Variants in PTPRD observed in about 807,000 individuals in gnomAD.
PTPRD encodes the protein receptor-type tyrosine-protein phosphatase delta.
Under a neutral mutation model 214.5 loss-of-function variants are expected in PTPRD, and 34 were observed. The observed-to-expected ratio is 0.16, with a 90% CI of 0.12 to 0.21. PTPRD has a LOEUF of 0.21. Ranked by LOEUF, PTPRD falls within the 10% of genes least tolerant of loss-of-function variation. The pLI is 1.00. For synonymous variants in PTPRD, 1,128 were observed against 845.7 expected (o/e 1.33, Z -5.79); for missense variants, 2,545 against 2,398.7 (o/e 1.06, Z -1.27).
intron 11 of PTPRD, among the ~76,000 whole-genome samples, chr9:8,983,229 T>A (rs1471820389): frequency 6.6e-6 from 1 of 152,032 alleles, no homozygotes; most frequent in Non-Finnish European, 1.5e-5. Flanking sequence ...TCAACCTTCT[T>A]TATATCATGA....
At chr9:9,747,801 C>T (rs1328719486) in intron 6 of PTPRD, among the ~76,000 whole-genome samples, 2 of 152,118 alleles carry the variant, frequency 1.3e-5, no homozygotes, top group African/African-American at 2.4e-5. Flanking sequence ...GATCTACCTG[C>T]CTCGGCCTCC....
intron 2 of PTPRD, among the ~76,000 whole-genome samples, chr9:10,527,517 C>T (rs967867597): frequency 2.0e-5 from 3 of 152,106 alleles, no homozygotes; most frequent in African/African-American, 4.8e-5. Flanking sequence ...CCATAAATGG[C>T]TTGTACATTG....
intron 2 of PTPRD, among the ~76,000 whole-genome samples, chr9:10,417,178 G>A (rs2098499291): frequency 2.6e-5 from 4 of 151,828 alleles, no homozygotes; most frequent in African/African-American, 9.7e-5. Context: ...CTCCTAGGAA[G>A]GGATGATATT....
chr9:8,371,405 G>T (rs4742488), intron 39 of PTPRD, among the ~76,000 whole-genome samples: 47,545 of 151,860 alleles, frequency 0.31, 10,009 homozygotes, highest in African/African-American at 0.56. Flanking sequence ...CATAAGCCAT[G>T]ACTCATGCCT....
chr9:8,326,464 CG>C (rs1229702892), intron 44 of PTPRD, among the ~76,000 whole-genome samples: 1 of 151,300 alleles, frequency 6.6e-6, no homozygotes, highest in African/African-American at 2.4e-5. Flanking sequence ...CTGCTGGATT[CG>C]GTTTGCCAGT....
At chr9:8,327,898 C>G (rs2131325477) in intron 44 of PTPRD, among the ~76,000 whole-genome samples, 1 of 152,208 alleles carries the variant, frequency 6.6e-6, no homozygotes, top group East Asian at 1.9e-4. Context: ...TATTTTGAGC[C>G]TATGTGTGTC....
intron 8 of PTPRD, among the ~76,000 whole-genome samples, chr9:9,559,511 G>C (rs1246813524): frequency 6.6e-6 from 1 of 152,246 alleles, no homozygotes; most frequent in Non-Finnish European, 1.5e-5. Context: ...TGTAGGGCTT[G>C]TGCCTACTGA....
At chr9:10,531,918 A>G (rs1376663722) in intron 2 of PTPRD, among the ~76,000 whole-genome samples, 2 of 152,244 alleles carry the variant, frequency 1.3e-5, no homozygotes, top group East Asian at 1.9e-4. Flanking sequence ...GAGAACTCCA[A>G]CAGACCCTGC....
intron 27 of PTPRD, among the ~76,000 whole-genome samples, chr9:8,488,542 G>T (rs2097084201): frequency 6.6e-6 from 1 of 152,176 alleles, no homozygotes; most frequent in Non-Finnish European, 1.5e-5. Context: ...TACTCATTGT[G>T]TTCCTCAGGA....
intron 5 of PTPRD, among the ~76,000 whole-genome samples, chr9:9,900,656 G>GTTTTTTTTTTTTTT (rs2076192182): frequency 1.3e-5 from 1 of 76,798 alleles, no homozygotes; most frequent in African/African-American, 9.8e-5. Flanking sequence ...TTTTTTTTTT[G>GTTTTTTTTTTTTTT]AGATGGAGTC....
At chr9:8,844,305 T>C (rs1357388863) in intron 11 of PTPRD, among the ~76,000 whole-genome samples, 1 of 152,190 alleles carries the variant, frequency 6.6e-6, no homozygotes, top group Non-Finnish European at 1.5e-5. Context: ...CCATGGTGTG[T>C]CTTTCCTTCT....
chr9:9,812,482 A>G (rs543409220), intron 5 of PTPRD, among the ~76,000 whole-genome samples: 1 of 152,332 alleles, frequency 6.6e-6, no homozygotes, highest in African/African-American at 2.4e-5. Flanking sequence ...AGGGACAGAA[A>G]AAGATATTCC....
chr9:10,354,140 C>T (rs1377154618), intron 2 of PTPRD, among the ~76,000 whole-genome samples: 3 of 152,052 alleles, frequency 2.0e-5, no homozygotes, highest in South Asian at 2.1e-4. Context: ...AATTTTCATG[C>T]TCTTCCTACA....
At chr9:8,512,092 A>G (rs1193837137) in intron 21 of PTPRD, among the ~76,000 whole-genome samples, 2 of 152,112 alleles carry the variant, frequency 1.3e-5, no homozygotes, top group Middle Eastern at 3.2e-3. Context: ...ATGACCAAAG[A>G]TACTAGAAAA....
intron 9 of PTPRD, among the ~76,000 whole-genome samples, chr9:9,187,643 A>C (rs2099932458): frequency 6.6e-6 from 1 of 151,760 alleles, no homozygotes. Context: ...GTCATCCCTT[A>C]TAGGTTTCTT....
chr9:8,468,817 A>AC lies in PTPRD; in HGVS notation c.3504+2177dup, dbSNP rs1555070364. On this transcript the variant is annotated intron_variant, in intron 31 of 45. Transcript: ENST00000381196. ...ATGGTAGAAAAAAAAAAAAAAAAAA[A>AC]CTCTCTGTAGGGATCAAAAACTGGA... is the stretch of plus-strand genomic sequence containing the variant. Among the ~76,000 whole-genome samples the AC allele has an allele frequency of 2.7e-5, 4 of 148,978 alleles. No individual in the cohort carries two copies. In the East Asian group the frequency reaches 5.9e-4, roughly 22 times the overall value.
intron 14 of PTPRD, among the ~76,000 whole-genome samples, chr9:8,624,318 A>G (rs2154304646): frequency 6.6e-6 from 1 of 152,030 alleles, no homozygotes; most frequent in African/African-American, 2.4e-5. Context: ...ATGTTTTCAG[A>G]TTGTTGTATC....
intron 9 of PTPRD, among the ~76,000 whole-genome samples, 187 bp from the exon 10 acceptor site, chr9:9,183,550 C>T (rs1210810867): frequency 6.6e-6 from 1 of 151,802 alleles, no homozygotes; most frequent in Non-Finnish European, 1.5e-5. Context: ...TAGTGAAATG[C>T]CAAAAACCAA....
intron 3 of PTPRD, among the ~76,000 whole-genome samples, chr9:10,082,975 C>G (rs536985736): frequency 7.9e-5 from 12 of 152,056 alleles, no homozygotes; most frequent in African/African-American, 2.9e-4. Context: ...ACAACAGCCA[C>G]AACAAAGACT....
Sources: allele counts gnomAD v4.1 joint callset (sites outside exome capture counted in the v4.1 genomes callset), GRCh38; gene constraint gnomAD v4.1.1; transcripts MANE v1.5; gene names NCBI Gene and HGNC (gene_info 2026-07-23, HGNC 2026-07-21).